ATXN8OS: variants seen among roughly 807,000 people sequenced by gnomAD.
ATXN8OS encodes ATXN8 opposite strand (non-protein coding).
chr13:70,128,150 G>C (rs1410615), intron 2 of ATXN8OS, among the ~76,000 whole-genome samples: 3 of 151,740 alleles, frequency 2.0e-5, no homozygotes, highest in Non-Finnish European at 2.9e-5. Context: ...TGTTTATTTC[G>C]CCTTACAAGC....
At chr13:70,167,779 AG>A (rs1322349860) in intron 4 of ATXN8OS, among the ~76,000 whole-genome samples, 12 of 113,070 alleles carry the variant, frequency 1.1e-4, no homozygotes, top group Non-Finnish European at 1.5e-4. Flanking sequence ...TCTGTTGCCC[AG>A]GCTGGAGTGC....
intron 3 of ATXN8OS, among the ~76,000 whole-genome samples, chr13:70,131,820 G>C (rs761921243): frequency 6.6e-6 from 1 of 152,098 alleles, no homozygotes; most frequent in Non-Finnish European, 1.5e-5. Context: ...AATGCAAGCT[G>C]AGTCTGCCTA....
chr13:70,167,566 A>C (rs565892717), intron 4 of ATXN8OS, among the ~76,000 whole-genome samples: 310 of 152,004 alleles, frequency 2.0e-3, no homozygotes, highest in African/African-American at 6.8e-3. Context: ...TGCTAAATGA[A>C]GAGTTAATGG....
At chr13:70,113,934 T>TC (rs941133920) in intron 1 of ATXN8OS, among the ~76,000 whole-genome samples, 21 of 152,320 alleles carry the variant, frequency 1.4e-4, no homozygotes, top group African/African-American at 4.1e-4. Context: ...ATGCTCTTTT[T>TC]CCCACAAGTT....
chr13:70,138,046 C>G (rs1396037841), intron 3 of ATXN8OS, among the ~76,000 whole-genome samples: 2 of 152,208 alleles, frequency 1.3e-5, no homozygotes, highest in Admixed American at 6.5e-5. Flanking sequence ...ACGAGAACAA[C>G]ATGGCGGAAA....
At chr13:70,117,375 A>AATTAT (rs1312909940) in intron 2 of ATXN8OS, among the ~76,000 whole-genome samples, 1 of 152,060 alleles carries the variant, frequency 6.6e-6, no homozygotes, top group Non-Finnish European at 1.5e-5. Flanking sequence ...AAAATGAAAA[A>AATTAT]AACTATGCTT....
At position 70,117,627 on chromosome 13, in the gene ATXN8OS, C is replaced by A. The variant is rs187974960; in HGVS notation, n.398+2329C>A. ...AATGGAACGTCACAGGCTTTGAAAT[C>A]AAATCATGACCCAAACCCTTCTCTG... On this transcript the variant is annotated intron_variant and non_coding_transcript_variant, in intron 2 of 4. Coordinates refer to ENST00000678624, the Ensembl canonical transcript of ATXN8OS. 6.2e-3 allele frequency among the ~76,000 whole-genome samples: 947 copies of A among 152,144 alleles called. 7 individuals carry two copies. Among genetic ancestry groups the A allele is most frequent in the African/African-American group, 0.021 (887 of 41,536 alleles).
intron 2 of ATXN8OS, among the ~76,000 whole-genome samples, chr13:70,117,100 T>C (rs1198290069): frequency 7.2e-5 from 11 of 152,072 alleles, no homozygotes; most frequent in Non-Finnish European, 1.5e-4. Flanking sequence ...TTATGCAACA[T>C]GAATATGTTT....
At chr13:70,138,963 T>G (rs1294367727) in intron 3 of ATXN8OS, among the ~76,000 whole-genome samples, 1 of 152,156 alleles carries the variant, frequency 6.6e-6, no homozygotes, top group Non-Finnish European at 1.5e-5. Context: ...TTTTTCTCAT[T>G]GGTAATATTC....
At position 70,146,833 on chromosome 13, in the gene ATXN8OS, G is replaced by A. The variant is rs904299452; in HGVS notation, n.500-522G>A. Among the ~76,000 whole-genome samples, 4 of 152,104 alleles carry A rather than the reference G, an allele frequency of 2.6e-5. No homozygotes were observed. The South Asian group carries it at 8.3e-4, about 32-fold the overall frequency. On this transcript the variant is annotated intron_variant and non_coding_transcript_variant, in intron 3 of 4. Coordinates refer to ENST00000678624, the Ensembl canonical transcript of ATXN8OS. ...AATGCTAAATGACAAGTTAATGGGTGCAGCACACCAGCATGGCACATGTAT... is the reference window on the plus strand; with the variant it reads ...AATGCTAAATGACAAGTTAATGGGTACAGCACACCAGCATGGCACATGTAT...
intron 3 of ATXN8OS, among the ~76,000 whole-genome samples, chr13:70,145,064 C>T (rs528807544): frequency 1.3e-5 from 2 of 152,240 alleles, no homozygotes; most frequent in South Asian, 2.1e-4. Flanking sequence ...CAGCTTTCTA[C>T]ATATGTCTAG....
intron 2 of ATXN8OS, among the ~76,000 whole-genome samples, chr13:70,127,053 G>C (rs1385316715): frequency 6.6e-6 from 1 of 151,642 alleles, no homozygotes; most frequent in Non-Finnish European, 1.5e-5. Flanking sequence ...CTATCTCTCT[G>C]TCTCTTTCTC....
rs78101084 is a variant in ATXN8OS at position 70,158,928 on chromosome 13, C to T, written n.574-10825C>T. ...TAGGACTGCTCTTAAGAGCCGAAGC[C>T]TTTAATTTATGAAAGGGAGAAATTA... On this transcript the variant is annotated intron_variant and non_coding_transcript_variant, in intron 4 of 4. Coordinates refer to ENST00000678624, the Ensembl canonical transcript of ATXN8OS. Among the ~76,000 whole-genome samples the T allele has an allele frequency of 9.0e-3, 1,363 of 152,078 alleles. 16 individuals carry two copies. The highest frequency in any genetic ancestry group is 0.03 in the African/African-American group (1,243 of 41,462).
chr13:70,161,380 A>G (rs943773554), intron 4 of ATXN8OS, among the ~76,000 whole-genome samples: 4 of 152,248 alleles, frequency 2.6e-5, no homozygotes, highest in Admixed American at 6.5e-5. Context: ...AAAGGCAGAA[A>G]GGGAAGCATC....
At chr13:70,122,070 A>G (rs1404067711) in intron 2 of ATXN8OS, among the ~76,000 whole-genome samples, 1 of 152,054 alleles carries the variant, frequency 6.6e-6, no homozygotes, top group East Asian at 1.9e-4. Flanking sequence ...TGAAAGCACC[A>G]TACCACACTA....
intron 2 of ATXN8OS, among the ~76,000 whole-genome samples, chr13:70,125,090 G>A (rs79612575): frequency 0.024 from 3,576 of 151,598 alleles, 101 homozygotes; most frequent in African/African-American, 0.066. Context: ...AAATTATGGA[G>A]GTTTCATTCA....
chr13:70,125,640 T>G (rs1410709870), intron 2 of ATXN8OS, among the ~76,000 whole-genome samples: 1 of 152,108 alleles, frequency 6.6e-6, no homozygotes, highest in African/African-American at 2.4e-5. Flanking sequence ...TTTCCTTGGG[T>G]GAGCTTTTGT....
At chr13:70,153,637 T>G (rs186376423) in intron 4 of ATXN8OS, among the ~76,000 whole-genome samples, 1 of 152,302 alleles carries the variant, frequency 6.6e-6, no homozygotes, top group African/African-American at 2.4e-5. Flanking sequence ...TAATGTGTTG[T>G]CAATATGTAT....
chr13:70,147,502 A>G (rs1335089291), intron 4 of ATXN8OS, among the ~76,000 whole-genome samples: 1 of 152,136 alleles, frequency 6.6e-6, no homozygotes, highest in Non-Finnish European at 1.5e-5. Flanking sequence ...TCCTGTTTCA[A>G]ATTGTATGAG....
Sources: allele counts gnomAD v4.1 joint callset (sites outside exome capture counted in the v4.1 genomes callset), GRCh38; gene constraint gnomAD v4.1.1; transcripts MANE v1.5; gene names NCBI Gene and HGNC (gene_info 2026-07-23, HGNC 2026-07-21).